WDR91: variants seen among roughly 807,000 people sequenced by gnomAD.
WDR91 encodes the protein WD repeat-containing protein 91.
Under a neutral mutation model 88.4 loss-of-function variants are expected in WDR91, and 52 were observed. The observed-to-expected ratio is 0.59, with a 90% CI of 0.47 to 0.74. The LOEUF is 0.74. Ranked by LOEUF, WDR91 falls within the 30% of genes least tolerant of loss-of-function variation. The pLI is 0.00. For synonymous variants in WDR91, 362 were observed against 389.5 expected (o/e 0.93, Z 0.83); for missense variants, 824 against 954.5 (o/e 0.86, Z 1.80).
chr7:135,197,704 C>T (rs555278058), intron 7 of WDR91: 119 of 304,904 alleles, frequency 3.9e-4, no homozygotes, highest in Non-Finnish European at 1.0e-4. Context: ...GATGAGTATG[C>T]AAAGGTTCCC....
chr7:135,194,982 G>A lies in WDR91; in HGVS notation c.1347C>T (p.Ser449=), dbSNP rs768770029. Reference sequence around the variant, plus strand: ...ATTCCAAAGACAGCAGCGGTGATTTGGAAATGGAGGATGCTTTGGTCTGCA... The same window carrying A: ...ATTCCAAAGACAGCAGCGGTGATTTAGAAATGGAGGATGCTTTGGTCTGCA... ...PIMQTKASSI[S]KSPLLSLEWA... The change falls in exon 9 of 15, where the codon TCC becomes TCT. Residue 449 remains serine, a synonymous_variant. Coordinates refer to ENST00000354475, the MANE Select transcript of WDR91 (RefSeq NM_014149.4). 6.2e-7 allele frequency: 1 copy of A among 1,614,136 alleles called. No individual in the cohort carries two copies. Among genetic ancestry groups the A allele is most frequent in the South Asian group, 1.1e-5 (1 of 91,080 alleles).
At position 135,197,927 on chromosome 7, in the gene WDR91, GA is replaced by G. The variant is rs1381430055; in HGVS notation, c.1050+65del. On this transcript the variant is annotated intron_variant, in intron 7 of 14. Coordinates refer to ENST00000354475, the MANE Select transcript of WDR91 (RefSeq NM_014149.4). Reference sequence around the variant, plus strand: ...AGAACTCAGAAGAGAGAGAAGAGAAGACCCCCCACAGTGTTCCTCAGTAGCT... The same window carrying G: ...AGAACTCAGAAGAGAGAGAAGAGAAGCCCCCCACAGTGTTCCTCAGTAGCT... 1.9e-6 allele frequency: 3 copies of G among 1,547,806 alleles called. No individual in the cohort carries two copies. In the South Asian group the frequency reaches 3.6e-5, roughly 18 times the overall value.
intron 11 of WDR91, among the ~76,000 whole-genome samples, chr7:135,192,658 G>A (rs913226449): frequency 1.3e-5 from 2 of 152,232 alleles, no homozygotes; most frequent in African/African-American, 2.4e-5. Flanking sequence ...GCAGCATCAG[G>A]AAACAATGTG....
chr7:135,209,349 G>A, intron 2 of WDR91: 1 of 453,934 alleles, frequency 2.2e-6, no homozygotes, highest in Non-Finnish European at 3.8e-6. Flanking sequence ...AAGCTTACAT[G>A]CTTAACATAA....
intron 3 of WDR91, 78 bp downstream of exon 3, chr7:135,208,713 T>A (rs1831897859): frequency 7.4e-7 from 1 of 1,343,760 alleles, no homozygotes; most frequent in Non-Finnish European, 1.0e-6. Flanking sequence ...AATGCCTGTA[T>A]GGAGACCAGC....
chr7:135,196,478 G>C lies in WDR91; in HGVS notation c.1051-141C>G, dbSNP rs937947835. 3.1e-5 allele frequency: 24 copies of C among 780,224 alleles called. No individual in the cohort carries two copies. The African/African-American group carries it at 4.3e-4, about 14-fold the overall frequency. 48.3% of individuals were successfully genotyped at this position (780,224 alleles called of 1,614,324 possible). Reference sequence around the variant, plus strand: ...AGAGTGGAGAGGAGAGCTCTGACCTGCGAGGGTAGTGCTCAGCTCACCCTG... The same window carrying C: ...AGAGTGGAGAGGAGAGCTCTGACCTCCGAGGGTAGTGCTCAGCTCACCCTG... On this transcript the variant is annotated intron_variant, in intron 7 of 14. Transcript: ENST00000354475. The surrounding 1 kb of genome is among the most constrained non-coding windows in gnomAD (Gnocchi z 4.2).
chr7:135,202,730 T>G (rs886976387), intron 6 of WDR91, among the ~76,000 whole-genome samples: 1 of 152,194 alleles, frequency 6.6e-6, no homozygotes, highest in African/African-American at 2.4e-5. Context: ...CCTATTAAAC[T>G]TATAAAATGT....
chr7:135,193,248 TC>T lies in WDR91; in HGVS notation c.1641del (p.Thr549ProfsTer2). ...QVPGRLLLWD[T>X]KTMKQQLQFS... ...GCCCGTACCTGCTGCTTCATGGTTTTCGTGTCCCACAGCAGCAGCCTGCCAG... is the reference window on the plus strand; with the variant it reads ...GCCCGTACCTGCTGCTTCATGGTTTTGTGTCCCACAGCAGCAGCCTGCCAG... On this transcript the variant is annotated frameshift_variant, in exon 11 of 15. Transcript: ENST00000354475. LOFTEE classifies it high-confidence loss of function. 1 of 1,614,068 alleles carries T rather than the reference TC, an allele frequency of 6.2e-7. No homozygotes were observed. Among genetic ancestry groups the T allele is most frequent in the Non-Finnish European group, 8.5e-7 (1 of 1,180,040 alleles).
At chr7:135,188,933 C>G (rs964063367) in intron 12 of WDR91, among the ~76,000 whole-genome samples, 1 of 152,170 alleles carries the variant, frequency 6.6e-6, no homozygotes, top group Non-Finnish European at 1.5e-5. Flanking sequence ...CAGAGCCCAA[C>G]CTGGGGATTT....
At chr7:135,209,850 G>A in intron 1 of WDR91, 95 bp from the exon 2 acceptor site, 2 of 1,169,744 alleles carry the variant, frequency 1.7e-6, no homozygotes, top group South Asian at 2.2e-5. Context: ...TGGCTTCTGG[G>A]TGTAAAAAAA....
intron 6 of WDR91, 67 bp from the exon 7 acceptor site, chr7:135,198,218 A>T: frequency 2.7e-6 from 4 of 1,493,880 alleles, no homozygotes; most frequent in African/African-American, 1.4e-5. Context: ...GCATGCCAGG[A>T]GTGGTCAGCC....
intron 5 of WDR91, among the ~76,000 whole-genome samples, chr7:135,205,094 CCT>C (rs1831714597): frequency 6.6e-6 from 1 of 151,176 alleles, no homozygotes; most frequent in South Asian, 2.1e-4. Flanking sequence ...CCTGTGTGTA[CCT>C]CTGTTTCTTC....
At chr7:135,203,115 C>A (rs1264189746) in intron 6 of WDR91, among the ~76,000 whole-genome samples, 1 of 152,206 alleles carries the variant, frequency 6.6e-6, no homozygotes, top group African/African-American at 2.4e-5. Context: ...CCAACCTGAG[C>A]ACCAATGACA....
chr7:135,202,954 G>A (rs1831625673), intron 6 of WDR91, among the ~76,000 whole-genome samples: 1 of 152,146 alleles, frequency 6.6e-6, no homozygotes, highest in Non-Finnish European at 1.5e-5. Flanking sequence ...GTACCCACGT[G>A]GGCCAGGGCC....
chr7:135,195,968 G>A (rs1175493873), intron 8 of WDR91, among the ~76,000 whole-genome samples, 176 bp downstream of exon 8: 5 of 151,636 alleles, frequency 3.3e-5, no homozygotes, highest in African/African-American at 9.7e-5. Context: ...AAAAAAAAGG[G>A]CAGACAGGCT....
chr7:135,201,048 T>C (rs1192412411), intron 6 of WDR91, among the ~76,000 whole-genome samples: 2 of 152,250 alleles, frequency 1.3e-5, no homozygotes, highest in Non-Finnish European at 2.9e-5. Flanking sequence ...TGTGACCACT[T>C]ACTTCTCAGT....
Position 135,204,418 on chromosome 7 carries a change from G to A in WDR91, c.741C>T (p.Ser247=). Residue 247 remains serine (S), a synonymous_variant, in exon 6 of 15, where the codon AGC becomes AGT. Coordinates refer to ENST00000354475, the MANE Select transcript of WDR91 (RefSeq NM_014149.4). ...LGDSELAMVC[S]QRNASLSQSP... ...ACTGGGAGAGGGAGGCATTCCTTTGGCTGCACACCATGGCACTGGTCAGCA... is the reference window on the plus strand; with the variant it reads ...ACTGGGAGAGGGAGGCATTCCTTTGACTGCACACCATGGCACTGGTCAGCA... 6.2e-7 allele frequency: 1 copy of A among 1,614,170 alleles called. No homozygotes were observed. The highest frequency in any genetic ancestry group is 1.7e-5 in the Admixed American group (1 of 60,020).
At chr7:135,192,400 G>A (rs1276884985) in intron 11 of WDR91, among the ~76,000 whole-genome samples, 1 of 152,226 alleles carries the variant, frequency 6.6e-6, no homozygotes, top group East Asian at 1.9e-4. Context: ...TTACAGGCAT[G>A]AGCAACTGCT....
intron 6 of WDR91, 132 bp from the exon 7 acceptor site, chr7:135,198,283 A>G: frequency 1.8e-6 from 2 of 1,091,268 alleles, no homozygotes; most frequent in Non-Finnish European, 2.6e-6. Flanking sequence ...GTGTTGGCTC[A>G]GCTATGTAGG....
Sources: gnomAD v4.1 joint callset for allele counts (sites outside exome capture counted in the v4.1 genomes callset) on GRCh38, gnomAD v4.1.1 for gene constraint, Gnocchi (gnomAD v3.1) non-coding constraint, MANE v1.5 for transcripts, NCBI Gene and HGNC (gene_info 2026-07-23, HGNC 2026-07-21) for gene names.